Variants in CWH43 observed in about 807,000 individuals in gnomAD.
CWH43 encodes cell wall biogenesis 43 C-terminal homolog.
Under a neutral mutation model 85.7 loss-of-function variants are expected in CWH43, and 91 were observed. The ratio of observed to expected loss-of-function variants is 1.06; its 90% CI spans 0.90 to 1.26. The LOEUF is 1.26. Among genes scored for constraint, CWH43 ranks in the 50% most tolerant of loss-of-function variants. CWH43 has a pLI of 0.00. For missense variants in CWH43, 869 were observed against 839.2 expected, an observed-to-expected ratio of 1.04 and a Z score of -0.44; for synonymous variants, 323 against 293.6, an observed-to-expected ratio of 1.10 and a Z score of -1.02.
intron 8 of CWH43, 183 bp from the exon 9 acceptor site, chr4:49,017,066 C>A: frequency 1.4e-6 from 1 of 735,982 alleles, no homozygotes; most frequent in South Asian, 1.4e-5. Context: ...GCACCTTGGT[C>A]ACGTTCAGTG....
In CWH43 at chr4:49,020,529, G is replaced by A. The variant is rs540678905; in HGVS notation, c.1266+3201G>A. On this transcript the variant is annotated intron_variant, in intron 9 of 15. Coordinates refer to ENST00000226432, the MANE Select transcript of CWH43 (RefSeq NM_025087.3). ...TGCTGCTGTAAACATGTATGTGTGAGTATCTTTTTCATATAATGACTTCTC... is the reference window on the plus strand; with the variant it reads ...TGCTGCTGTAAACATGTATGTGTGAATATCTTTTTCATATAATGACTTCTC... Among the ~76,000 whole-genome samples, 10 of 152,132 alleles carry A rather than the reference G, an allele frequency of 6.6e-5. No individual in the cohort carries two copies. In the East Asian group the frequency reaches 1.7e-3, roughly 26 times the overall value.
chr4:49,033,760 G>A (rs1784177411), intron 12 of CWH43, among the ~76,000 whole-genome samples: 1 of 152,114 alleles, frequency 6.6e-6, no homozygotes, highest in Non-Finnish European at 1.5e-5. Flanking sequence ...ATAAAAGTAT[G>A]TAACTTATAC....
Position 48,986,329 on chromosome 4 carries a change from G to A in CWH43, c.-101G>A. On this transcript the variant is annotated 5_prime_UTR_variant, in exon 1 of 16. Transcript: ENST00000226432. ...CGCGGGAACGAGGGGCGCGGACGCA[G>A]GCCCGGGAGGACGCGGCGGCGGGAA... is the stretch of plus-strand genomic sequence containing the variant. 8.5e-7 allele frequency: 1 copy of A among 1,178,246 alleles called. No homozygotes were observed. Among genetic ancestry groups the A allele is most frequent in the South Asian group, 1.5e-5 (1 of 68,080 alleles). The allele number at this position is 1,178,246 out of a possible 1,614,324, so 73.0% of individuals were successfully genotyped here.
chr4:49,012,101 C>G (rs566283816), intron 8 of CWH43, among the ~76,000 whole-genome samples: 1 of 152,336 alleles, frequency 6.6e-6, no homozygotes, highest in Admixed American at 6.5e-5. Context: ...CCGTCACTTT[C>G]AGGTACACCA....
chr4:49,038,344 C>T (rs530534315), intron 13 of CWH43, among the ~76,000 whole-genome samples, 164 bp downstream of exon 13: 15 of 152,172 alleles, frequency 9.9e-5, no homozygotes, highest in Non-Finnish European at 2.1e-4. Flanking sequence ...CAGCAATCAT[C>T]TATTTGCTCA....
intron 4 of CWH43, among the ~76,000 whole-genome samples, 169 bp from the exon 5 acceptor site, chr4:48,994,450 A>T (rs1204829313): frequency 6.6e-6 from 1 of 152,256 alleles, no homozygotes; most frequent in Non-Finnish European, 1.5e-5. Context: ...CCCACTAAAT[A>T]GCTGTCAGCA....
At chr4:49,016,931 A>T (rs1577676011) in intron 8 of CWH43, 1 of 784,342 alleles carries the variant, frequency 1.3e-6, no homozygotes, top group East Asian at 2.4e-5. Context: ...TGATCTCCCC[A>T]GTAAAGGCCC....
At chr4:49,002,399 G>C (rs1216383701) in intron 6 of CWH43, among the ~76,000 whole-genome samples, 4 of 152,076 alleles carry the variant, frequency 2.6e-5, no homozygotes, top group East Asian at 3.8e-4. Flanking sequence ...ATTTACACTA[G>C]TAAATGTTCC....
chr4:48,994,627 T>C lies in CWH43; in HGVS notation c.520T>C (p.Cys174Arg). The C allele has an allele frequency of 6.2e-7, 1 of 1,611,284 alleles. No homozygotes were observed. The highest frequency in any genetic ancestry group is 1.1e-5 in the South Asian group (1 of 90,460). ...GTATTTTTAAATTCTAGATGGTGAC[T>C]GCAGTAAACCTGAAGAAAAGAAGAC... ...TLDRIGTDGD[C>R]SKPEEKKTGE... The change falls in exon 5 of 16, where the codon TGC (cysteine) becomes CGC (arginine). Residue 174 changes from cysteine (C) to arginine (R), a missense_variant. Around this residue, in one of 3 missense-constraint regions of CWH43, gnomAD observed 152 missense variants for 203.6 expected, o/e 0.75. Transcript: ENST00000226432.
chr4:49,034,688 A>T (rs1272608953), intron 12 of CWH43, among the ~76,000 whole-genome samples: 2 of 152,206 alleles, frequency 1.3e-5, no homozygotes, highest in Non-Finnish European at 2.9e-5. Flanking sequence ...GGGATTCCAG[A>T]ACCTGGAATC....
intron 9 of CWH43, among the ~76,000 whole-genome samples, chr4:49,017,773 A>G (rs1264117013): frequency 6.6e-6 from 1 of 152,144 alleles, no homozygotes; most frequent in Non-Finnish European, 1.5e-5. Flanking sequence ...TGAAAGGCAA[A>G]CAGGGAGCTA....
rs1301412313 is a variant in CWH43, at chr4:49,038,099, T to C, written c.1722T>C (p.Asn574=). Residue 574 remains asparagine, a synonymous_variant, in exon 13 of 16, where the codon AAT becomes AAC. Transcript: ENST00000226432. ...CAAAACTACTGAAAAGTAGCTCTAA[T>C]CAAGTGATATTTCTGGGATATATCA... ...AVSKLLKSSS[N]QVIFLGYITS... The C allele has an allele frequency of 1.9e-6, 3 of 1,613,270 alleles. No homozygotes were observed. The Admixed American group carries it at 5.0e-5, about 27-fold the overall frequency.
chr4:49,039,364 C>CTGAT (rs1784379047), intron 13 of CWH43, among the ~76,000 whole-genome samples: 2 of 54,680 alleles, frequency 3.7e-5, no homozygotes, highest in African/African-American at 5.8e-5. Context: ...TATATATATA[C>CTGAT]TGATGTATAT....
intron 13 of CWH43, among the ~76,000 whole-genome samples, chr4:49,041,126 A>T (rs1395568859): frequency 6.6e-6 from 1 of 152,170 alleles, no homozygotes; most frequent in African/African-American, 2.4e-5. Flanking sequence ...TACCAGTACC[A>T]TGCTGTTTTG....
intron 9 of CWH43, among the ~76,000 whole-genome samples, chr4:49,019,082 A>G (rs6822902): frequency 0.61 from 92,343 of 152,106 alleles, 30,660 homozygotes; most frequent in Middle Eastern, 0.79. Context: ...AATGATTACC[A>G]AATGTTTCTT....
intron 8 of CWH43, among the ~76,000 whole-genome samples, chr4:49,008,891 T>G (rs1783255631): frequency 6.6e-6 from 1 of 152,220 alleles, no homozygotes; most frequent in Non-Finnish European, 1.5e-5. Flanking sequence ...TGTAGTATAG[T>G]TTGAAGTCAG....
intron 13 of CWH43, among the ~76,000 whole-genome samples, chr4:49,039,927 G>A (rs1784404761): frequency 6.6e-6 from 1 of 151,778 alleles, no homozygotes; most frequent in Non-Finnish European, 1.5e-5. Flanking sequence ...TCCAGAGTGT[G>A]ATGTTCCCCT....
At chr4:49,006,430 A>C (rs1312782513) in intron 7 of CWH43, among the ~76,000 whole-genome samples, 2 of 152,220 alleles carry the variant, frequency 1.3e-5, no homozygotes, top group African/African-American at 4.8e-5. Flanking sequence ...CTGAGTTGAA[A>C]AGAATATTTA....
At chr4:49,050,409 G>A (rs1784756143) in intron 14 of CWH43, among the ~76,000 whole-genome samples, 1 of 152,070 alleles carries the variant, frequency 6.6e-6, no homozygotes, top group Admixed American at 6.5e-5. Context: ...TTGTGTGGGA[G>A]GCAATTTGTA....
Sources: gnomAD v4.1 joint callset for allele counts (sites outside exome capture counted in the v4.1 genomes callset) on GRCh38, gnomAD v4.1.1 for gene constraint, gnomAD v4.1.1 regional missense constraint, MANE v1.5 for transcripts, NCBI Gene and HGNC (gene_info 2026-07-23, HGNC 2026-07-21) for gene names.